Variants in FAT1 observed in about 807,000 individuals in gnomAD.
The protein encoded by FAT1 is FAT atypical cadherin 1.
Under a neutral mutation model 329.8 loss-of-function variants are expected in FAT1, and 171 were observed. That is an observed-to-expected ratio of 0.52 (90% CI 0.46 to 0.59). The LOEUF is 0.59. FAT1 is among the 20% of genes least tolerant of loss of function. The probability of loss-of-function intolerance (pLI) is 0.00; values close to 1 mark genes in which losing one functional copy is unlikely to be tolerated. For synonymous variants in FAT1, 2,233 were observed against 2,228.6 expected, an observed-to-expected ratio of 1.00 and a Z score of -0.06; for missense variants, 5,672 against 5,774.4, an observed-to-expected ratio of 0.98 and a Z score of 0.57.
chr4:186,605,216 GAAA>G (rs34790170), intron 17 of FAT1, among the ~76,000 whole-genome samples: 71 of 67,490 alleles, frequency 1.1e-3, no homozygotes, highest in African/African-American at 4.0e-3. Context: ...CTCCATCTCA[GAAA>G]AAAAAAAAAA....
intron 1 of FAT1, among the ~76,000 whole-genome samples, chr4:186,718,599 G>A (rs1198189528): frequency 5.9e-5 from 9 of 152,110 alleles, no homozygotes; most frequent in Non-Finnish European, 5.9e-5. Context: ...CCCGGGAGGC[G>A]GAGCTTGCAG....
At chr4:186,718,687 A>G (rs1338202636) in intron 1 of FAT1, among the ~76,000 whole-genome samples, 3 of 152,104 alleles carry the variant, frequency 2.0e-5, no homozygotes, top group Non-Finnish European at 4.4e-5. Context: ...AATAAAATAA[A>G]ATAAAATAAA....
upstream of FAT1, among the ~76,000 whole-genome samples, chr4:186,724,029 G>A (rs970774591): frequency 2.0e-5 from 3 of 151,440 alleles, no homozygotes; most frequent in Admixed American, 1.3e-4. This position sits in a 1 kb window ranked among gnomAD's most constrained non-coding sequence, Gnocchi z 5.3. Flanking sequence ...CACCAGGTCC[G>A]TGCTGGGAGA....
At position 186,706,575 on chromosome 4, in the gene FAT1, C is replaced by T. The variant is rs758545401; in HGVS notation, c.3253G>A (p.Gly1085Ser). 8.1e-6 allele frequency: 13 copies of T among 1,603,820 alleles called. No homozygotes were observed. The highest frequency in any genetic ancestry group is 1.1e-5 in the South Asian group (1 of 90,314). ...AAAACATATTTACCTGTCTCTTCAC[C>T]TATTTTGAAAACACCAACGCCAGAG... The part of the protein sequence containing the change: ...DGSGVGVFKI[G>S]EETGVIETSD... The change falls in exon 2 of 27, where the codon GGT becomes AGT. Residue 1085 changes from glycine to serine, a missense_variant. This residue lies in a region of FAT1 where 3,966 missense variants were observed against 3,915.2 expected (regional missense o/e 1.01). Transcript: ENST00000441802.
chr4:186,611,726 C>A lies in FAT1; in HGVS notation c.9513G>T (p.Gln3171His), dbSNP rs2126470027. 6.3e-7 allele frequency: 1 copy of A among 1,590,244 alleles called. No homozygotes were observed. ...TTCCAGATAATTCGTTAATGGAGAA[C>A]TGCCCATCAGCAGAGTCAATCAGTG... ...LYSLIDSADGQFSINELSGII... is the reference protein window; with the variant it reads ...LYSLIDSADGHFSINELSGII... Residue 3171 changes from glutamine to histidine, a missense_variant, in exon 14 of 27, where the codon CAG (glutamine) becomes CAT (histidine). Physicochemically the swap from Gln to His is conservative, Grantham distance 24. Around this residue, in one of 2 missense-constraint regions of FAT1, gnomAD observed 1,706 missense variants for 1,859.1 expected, o/e 0.92. Transcript: ENST00000441802.
intron 4 of FAT1, among the ~76,000 whole-genome samples, chr4:186,638,862 C>G: frequency 6.7e-6 from 1 of 150,014 alleles, no homozygotes; most frequent in East Asian, 1.9e-4. Flanking sequence ...CCAAGGCTGG[C>G]TCCGATAATG....
intron 2 of FAT1, among the ~76,000 whole-genome samples, chr4:186,693,278 A>G (rs1349911194): frequency 1.3e-5 from 2 of 152,236 alleles, no homozygotes; most frequent in East Asian, 1.9e-4. Context: ...GGGAAACGCA[A>G]TCGGGTAAAA....
chr4:186,685,969 T>C (rs1370957830), intron 2 of FAT1, among the ~76,000 whole-genome samples: 1 of 152,204 alleles, frequency 6.6e-6, no homozygotes, highest in Admixed American at 6.5e-5. Context: ...AGATTCCTAC[T>C]CTAAATTCTT....
chr4:186,671,497 A>G (rs1742724985), intron 2 of FAT1, among the ~76,000 whole-genome samples: 1 of 152,130 alleles, frequency 6.6e-6, no homozygotes, highest in African/African-American at 2.4e-5. Flanking sequence ...CAGGAGTTAA[A>G]GACCAGCCTG....
intron 13 of FAT1, among the ~76,000 whole-genome samples, chr4:186,612,113 CTT>C (rs1343261553): frequency 6.4e-5 from 8 of 124,262 alleles, no homozygotes; most frequent in Non-Finnish European, 5.3e-5. Context: ...CCGGCCAACG[CTT>C]TTTTTTTTTT....
chr4:186,633,604 C>CTA, intron 7 of FAT1, 80 bp downstream of exon 7: 1 of 1,489,744 alleles, frequency 6.7e-7, no homozygotes, highest in South Asian at 1.2e-5. Flanking sequence ...GAATCCACCG[C>CTA]TCATATTGCC....
intron 2 of FAT1, among the ~76,000 whole-genome samples, chr4:186,694,350 A>G (rs925890869): frequency 6.6e-6 from 1 of 152,212 alleles, no homozygotes; most frequent in Non-Finnish European, 1.5e-5. Flanking sequence ...TAATCATCCT[A>G]AAGAGTTACT....
intron 3 of FAT1, among the ~76,000 whole-genome samples, chr4:186,646,000 CACACAT>C (rs1482497751): frequency 1.5e-4 from 22 of 146,224 alleles, no homozygotes; most frequent in Non-Finnish European, 2.3e-4. Flanking sequence ...CACACACACA[CACACAT>C]GAAAGATGGC....
upstream of FAT1, among the ~76,000 whole-genome samples, chr4:186,725,692 TTA>T (rs1465744448): frequency 4.6e-5 from 7 of 152,116 alleles, no homozygotes; most frequent in South Asian, 2.1e-4. This position sits in a 1 kb window ranked among gnomAD's most constrained non-coding sequence, Gnocchi z 5.4. Flanking sequence ...TCGAATTATT[TTA>T]TATGAGAGAG....
chr4:186,590,556 T>A (rs773843059), intron 26 of FAT1: 148 of 468,214 alleles, frequency 3.2e-4, no homozygotes, highest in Non-Finnish European at 5.0e-4. Flanking sequence ...CTATGACAAT[T>A]CCAAATGGCT....
At chr4:186,638,779 A>G (rs529700780) in intron 4 of FAT1, among the ~76,000 whole-genome samples, 3 of 152,228 alleles carry the variant, frequency 2.0e-5, no homozygotes, top group Admixed American at 1.3e-4. Context: ...ACAGTTTAGA[A>G]TTTTGTCACT....
intron 2 of FAT1, among the ~76,000 whole-genome samples, chr4:186,702,218 T>G (rs115463182): frequency 1.3e-5 from 2 of 152,260 alleles, no homozygotes; most frequent in African/African-American, 4.8e-5. Flanking sequence ...CTGTATTTCA[T>G]GAATGCTGAC....
chr4:186,606,105 C>T lies in FAT1; in HGVS notation c.10315G>A (p.Val3439Ile), dbSNP rs201982861. 19 of 1,613,218 alleles carry T rather than the reference C, an allele frequency of 1.2e-5. 1 individual carries two copies. The highest frequency in any genetic ancestry group is 7.7e-5 in the South Asian group (7 of 90,928). ...ACACTGTAGTTTCCCCTGGAGAAGACGGGCGCGTTGTCATTGACATCGGAC... is the reference window on the plus strand; with the variant it reads ...ACACTGTAGTTTCCCCTGGAGAAGATGGGCGCGTTGTCATTGACATCGGAC... Reference protein sequence around the residue: ...DVSDVNDNAPVFSRGNYSVII... With the variant: ...DVSDVNDNAPIFSRGNYSVII... The change falls in exon 17 of 27, where the codon GTC (valine) becomes ATC (isoleucine). Residue 3439 changes from valine to isoleucine, a missense_variant. By Grantham distance (29) the Val-to-Ile change is conservative (BLOSUM62 3). Coordinates refer to ENST00000441802, the MANE Select transcript of FAT1 (RefSeq NM_005245.4).
At chr4:186,642,332 C>T (rs1741139112) in intron 3 of FAT1, among the ~76,000 whole-genome samples, 1 of 152,150 alleles carries the variant, frequency 6.6e-6, no homozygotes, top group Non-Finnish European at 1.5e-5. Context: ...AGTATTAAAG[C>T]CCCTCATTTA....
Sources: allele counts gnomAD v4.1 joint callset (sites outside exome capture counted in the v4.1 genomes callset), GRCh38; gene constraint gnomAD v4.1.1; regional missense constraint gnomAD v4.1.1; non-coding constraint Gnocchi (gnomAD v3.1); transcripts MANE v1.5; gene names NCBI Gene and HGNC (gene_info 2026-07-23, HGNC 2026-07-21).